The following CA10 variants were observed in gnomAD, a reference collection of about 807,000 sequenced individuals.
CA10 encodes the protein carbonic anhydrase 10 (inactive), also known as carbonic anhydrase-related protein 10.
In CA10, 14 loss-of-function variants were observed where a neutral mutation model predicts 44.2. That is an observed-to-expected ratio of 0.32 (90% confidence interval 0.21 to 0.50). CA10 has a LOEUF of 0.50. Ranked by LOEUF, CA10 falls within the 20% of genes least tolerant of loss-of-function variation. The probability of loss-of-function intolerance (pLI) is 0.99; values close to 1 mark genes in which losing one functional copy is unlikely to be tolerated. For missense variants in CA10, 350 were observed against 409.7 expected (o/e 0.85, Z 1.26); for synonymous variants, 159 against 141.6 (o/e 1.12, Z -0.87).
intron 1 of CA10, among the ~76,000 whole-genome samples, 168 bp from the exon 2 acceptor site, chr17:52,072,561 T>C (rs559729215): frequency 1.9e-4 from 28 of 150,606 alleles, no homozygotes; most frequent in African/African-American, 6.4e-4. Context: ...AAATAGATCA[T>C]TGATCGGTAA....
At chr17:51,644,740 C>G (rs1017852822) in intron 6 of CA10, among the ~76,000 whole-genome samples, 2 of 151,940 alleles carry the variant, frequency 1.3e-5, no homozygotes, top group Non-Finnish European at 2.9e-5. Context: ...TCCCTCACTC[C>G]CCTCTTTCTC....
intron 2 of CA10, among the ~76,000 whole-genome samples, chr17:51,991,933 C>T (rs1052449712): frequency 3.3e-5 from 5 of 152,214 alleles, no homozygotes; most frequent in African/African-American, 1.2e-4. Context: ...TGCGGCCCTC[C>T]ATCACAGACC....
At position 51,729,449 on chromosome 17, in the gene CA10, GC is replaced by G. The variant is rs902081101; in HGVS notation, c.465+18183del. 8.3e-4 allele frequency among the ~76,000 whole-genome samples: 126 copies of G among 152,248 alleles called. 1 individual carries two copies. The highest frequency in any genetic ancestry group is 2.8e-3 in the African/African-American group (115 of 41,542). On this transcript the variant is annotated intron_variant, in intron 4 of 8. Coordinates refer to ENST00000451037, the MANE Select transcript of CA10 (RefSeq NM_020178.5). ...GTATTGGCACGTGGGTTAGAGGGAAGCCCACTGCATATGGACTTTTCATATG... is the reference window on the plus strand; with the variant it reads ...GTATTGGCACGTGGGTTAGAGGGAAGCCACTGCATATGGACTTTTCATATG...
At chr17:51,975,195 GA>G (rs1377283757) in intron 2 of CA10, among the ~76,000 whole-genome samples, 1 of 152,080 alleles carries the variant, frequency 6.6e-6, no homozygotes, top group Non-Finnish European at 1.5e-5. Flanking sequence ...AAAGGAGGTA[GA>G]AAAGGAGAAG....
intron 3 of CA10, among the ~76,000 whole-genome samples, chr17:51,764,464 A>G (rs551308901): frequency 6.6e-6 from 1 of 152,314 alleles, no homozygotes; most frequent in African/African-American, 2.4e-5. Context: ...CTTCACCTCC[A>G]TATCCCCAGT....
chr17:51,897,632 T>G (rs1339402677), intron 3 of CA10, among the ~76,000 whole-genome samples: 1 of 152,184 alleles, frequency 6.6e-6, no homozygotes, highest in Non-Finnish European at 1.5e-5. Flanking sequence ...AGGAGTAGCA[T>G]TGAATCTATA....
At chr17:51,670,587 T>A (rs1411348575) in intron 4 of CA10, among the ~76,000 whole-genome samples, 2 of 152,144 alleles carry the variant, frequency 1.3e-5, no homozygotes, top group Non-Finnish European at 2.9e-5. Flanking sequence ...GGTTCAGTGA[T>A]CCCTGAGCTC....
In CA10 at chr17:51,813,622, G is replaced by A. The variant is rs563397631; in HGVS notation, c.280-65804C>T. On this transcript the variant is annotated intron_variant, in intron 3 of 8. Transcript: ENST00000451037. ...ATTCCACCTGCTTCTCTTGCCTTCTGTGAAGGGACCTGCCCATGAGAGAGA... is the reference window on the plus strand; with the variant it reads ...ATTCCACCTGCTTCTCTTGCCTTCTATGAAGGGACCTGCCCATGAGAGAGA... 2.6e-5 allele frequency among the ~76,000 whole-genome samples: 4 copies of A among 152,284 alleles called. No homozygotes were observed. The South Asian group carries it at 6.2e-4, about 24-fold the overall frequency.
chr17:51,874,388 TAAAAA>T, intron 3 of CA10, among the ~76,000 whole-genome samples: 1 of 127,498 alleles, frequency 7.8e-6, no homozygotes, highest in Non-Finnish European at 1.7e-5. Flanking sequence ...GAGTAATTAT[TAAAAA>T]AAAAAAAAAA....
intron 5 of CA10, among the ~76,000 whole-genome samples, chr17:51,650,124 TG>T (rs1329362396): frequency 6.6e-6 from 1 of 152,158 alleles, no homozygotes; most frequent in Non-Finnish European, 1.5e-5. Flanking sequence ...ATTCCTCTGT[TG>T]GGAGAAGAAA....
intron 1 of CA10, among the ~76,000 whole-genome samples, chr17:52,127,945 T>C (rs1989155514): frequency 1.3e-5 from 2 of 152,218 alleles, no homozygotes; most frequent in African/African-American, 4.8e-5. Flanking sequence ...GGATGTACTA[T>C]CTCAATACAT....
At chr17:52,037,226 C>G (rs1282631602) in intron 2 of CA10, among the ~76,000 whole-genome samples, 4 of 152,134 alleles carry the variant, frequency 2.6e-5, no homozygotes, top group African/African-American at 7.2e-5. Flanking sequence ...AGTGAAATAT[C>G]ACCCTGCAAT....
At chr17:51,993,570 A>T (rs1440493407) in intron 2 of CA10, among the ~76,000 whole-genome samples, 1 of 152,106 alleles carries the variant, frequency 6.6e-6, no homozygotes, top group Non-Finnish European at 1.5e-5. Flanking sequence ...ATTATTATTT[A>T]AATTCACGGT....
At chr17:51,917,037 A>C (rs1032980091) in intron 3 of CA10, among the ~76,000 whole-genome samples, 9 of 152,122 alleles carry the variant, frequency 5.9e-5, no homozygotes. Flanking sequence ...TTTTGACTGC[A>C]ATCAACTCAC....
intron 2 of CA10, among the ~76,000 whole-genome samples, chr17:52,019,288 T>C (rs946515164): frequency 6.6e-6 from 1 of 152,150 alleles, no homozygotes; most frequent in Admixed American, 6.6e-5. Context: ...TTCTCTTTAA[T>C]GAACAAAACG....
intron 3 of CA10, among the ~76,000 whole-genome samples, chr17:51,855,382 A>T (rs1978995525): frequency 6.6e-6 from 1 of 152,220 alleles, no homozygotes; most frequent in Non-Finnish European, 1.5e-5. Context: ...TCCTTTTAAG[A>T]AATAAAGTTG....
intron 1 of CA10, among the ~76,000 whole-genome samples, chr17:52,132,994 T>C (rs1274657623): frequency 2.6e-5 from 4 of 152,140 alleles, no homozygotes; most frequent in Non-Finnish European, 4.4e-5. Context: ...CAGAGGACCA[T>C]GGGCAGGCTG....
intron 8 of CA10, among the ~76,000 whole-genome samples, chr17:51,632,630 C>T (rs996624515): frequency 4.6e-5 from 7 of 152,108 alleles, no homozygotes; most frequent in African/African-American, 1.2e-4. Flanking sequence ...GGAACTGTCA[C>T]GAAGAAGCCA....
At chr17:51,937,186 C>A (rs1195097796) in intron 2 of CA10, among the ~76,000 whole-genome samples, 2 of 152,172 alleles carry the variant, frequency 1.3e-5, no homozygotes, top group African/African-American at 4.8e-5. Flanking sequence ...AAGCCTTCCA[C>A]TTCAATATAG....
Sources: allele counts gnomAD v4.1 joint callset (sites outside exome capture counted in the v4.1 genomes callset), GRCh38; gene constraint gnomAD v4.1.1; transcripts MANE v1.5; gene names NCBI Gene and HGNC (gene_info 2026-07-23, HGNC 2026-07-21).